RAD51B: variants seen among roughly 807,000 people sequenced by gnomAD.
RAD51B encodes the protein RAD51 paralog B.
In RAD51B, 38 loss-of-function variants were observed where a neutral mutation model predicts 42.2. That is an observed-to-expected ratio of 0.90 (90% CI 0.70 to 1.18). The LOEUF is 1.18. Among genes scored for constraint, RAD51B ranks in the 50% most tolerant of loss-of-function variants. RAD51B has a pLI of 0.00. For missense variants in RAD51B, 373 were observed against 400.7 expected, an observed-to-expected ratio of 0.93 and a Z score of 0.59; for synonymous variants, 154 against 145.2, an observed-to-expected ratio of 1.06 and a Z score of -0.43.
chr14:68,192,632 AT>A (rs2079289709), intron 7 of RAD51B, among the ~76,000 whole-genome samples: 1 of 152,180 alleles, frequency 6.6e-6, no homozygotes, highest in Non-Finnish European at 1.5e-5. Flanking sequence ...TTGTGACAAT[AT>A]GTCTCTGCTG....
At chr14:68,681,404 G>A (rs536762051) in intron 11 of RAD51B, among the ~76,000 whole-genome samples, 1 of 151,724 alleles carries the variant, frequency 6.6e-6, no homozygotes, top group African/African-American at 2.4e-5. Flanking sequence ...GGAAGGTGAA[G>A]GAGGAACAAG....
chr14:68,665,913 C>T (rs562383002), intron 11 of RAD51B, among the ~76,000 whole-genome samples: 1 of 152,336 alleles, frequency 6.6e-6, no homozygotes, highest in Admixed American at 6.5e-5. Context: ...CTAAGCCAAT[C>T]AGAGCATTAG....
intron 7 of RAD51B, among the ~76,000 whole-genome samples, chr14:68,029,484 A>G (rs1265630473): frequency 6.6e-6 from 1 of 152,226 alleles, no homozygotes; most frequent in African/African-American, 2.4e-5. Flanking sequence ...TCTTTTTGGT[A>G]ATCCATAAGA....
chr14:68,393,620 G>A (rs1259878246), intron 8 of RAD51B, among the ~76,000 whole-genome samples: 2 of 152,206 alleles, frequency 1.3e-5, no homozygotes, highest in Non-Finnish European at 2.9e-5. Flanking sequence ...CTTTATCATG[G>A]TTGATCTTTT....
intron 8 of RAD51B, among the ~76,000 whole-genome samples, chr14:68,312,311 T>A: frequency 6.6e-6 from 1 of 152,228 alleles, no homozygotes; most frequent in East Asian, 1.9e-4. Flanking sequence ...CGGAGCAGAA[T>A]GTATAACGGA....
chr14:67,992,373 G>C (rs1252700446), intron 7 of RAD51B, among the ~76,000 whole-genome samples: 2 of 152,172 alleles, frequency 1.3e-5, no homozygotes, highest in African/African-American at 4.8e-5. Context: ...ATATTTGTCT[G>C]GTCCTTAAAG....
chr14:68,103,434 A>G (rs936859539), intron 7 of RAD51B, among the ~76,000 whole-genome samples: 18 of 152,202 alleles, frequency 1.2e-4, no homozygotes, highest in African/African-American at 3.9e-4. Context: ...ATAAAAAAAC[A>G]TAAAATGAAG....
chr14:68,492,149 G>A (rs921527442), intron 10 of RAD51B, among the ~76,000 whole-genome samples: 1 of 152,082 alleles, frequency 6.6e-6, no homozygotes, highest in Admixed American at 6.5e-5. Context: ...TCACATAATG[G>A]ATGACTCCCT....
At chr14:68,438,311 C>T (rs1178625449) in intron 9 of RAD51B, among the ~76,000 whole-genome samples, 1 of 152,080 alleles carries the variant, frequency 6.6e-6, no homozygotes, top group East Asian at 1.9e-4. Flanking sequence ...GGATCCACAA[C>T]ATTTAAGCAC....
intron 7 of RAD51B, among the ~76,000 whole-genome samples, chr14:67,931,500 C>CTTT (rs539507230): frequency 5.6e-4 from 66 of 117,562 alleles, no homozygotes; most frequent in Middle Eastern, 4.7e-3. Flanking sequence ...TCTGGGATTT[C>CTTT]TTTTTTTTTT....
At chr14:67,861,627 C>G (rs973867471) in intron 4 of RAD51B, among the ~76,000 whole-genome samples, 1 of 148,710 alleles carries the variant, frequency 6.7e-6, no homozygotes, top group Non-Finnish European at 1.5e-5. Context: ...AATGAAAAGA[C>G]AAGAGATGTC....
At chr14:68,364,322 G>A (rs1295838147) in intron 8 of RAD51B, among the ~76,000 whole-genome samples, 2 of 152,164 alleles carry the variant, frequency 1.3e-5, no homozygotes, top group Admixed American at 1.3e-4. Flanking sequence ...GGCACTTTGT[G>A]GGGAGGGCCA....
chr14:68,280,384 T>G (rs1158644338), intron 7 of RAD51B, among the ~76,000 whole-genome samples: 3 of 152,236 alleles, frequency 2.0e-5, no homozygotes, highest in Admixed American at 2.0e-4. Context: ...ATTGAGAACC[T>G]TTTTATGTGA....
rs1419631725 is a variant in RAD51B at position 67,893,496 on chromosome 14, ACACACACACAC to A, written c.756+6293_756+6303del. Among the ~76,000 whole-genome samples the A allele has an allele frequency of 6.3e-4, 59 of 94,254 alleles. 2 individuals are homozygous for A. Among genetic ancestry groups the A allele is most frequent in the African/African-American group, 2.0e-3 (38 of 18,610 alleles). 61.8% of individuals were successfully genotyped at this position (94,254 alleles called of 152,430 possible). Reference sequence around the variant, plus strand: ...CACACACACACACACACACACACACACACACACACACACAAAAAAAAACAATTAGCTGGGTG... The same window carrying A: ...CACACACACACACACACACACACACAACAAAAAAAAACAATTAGCTGGGTG... On this transcript the variant is annotated intron_variant, in intron 7 of 10. Coordinates refer to ENST00000471583, the MANE Select transcript of RAD51B (RefSeq NM_133510.4).
At position 68,674,893 on chromosome 14, in the gene RAD51B, C is replaced by T. The variant is rs950477467; in HGVS notation, c.*11+24037C>T. On this transcript the variant is annotated intron_variant, in intron 11 of 11. Coordinates refer to the RAD51B transcript ENST00000488612. Reference sequence around the variant, plus strand: ...CCTGTGGAAGGGGACGCCACCTGGACGATGGGCCGCTGCTCAGCCTTGGGG... The same window carrying T: ...CCTGTGGAAGGGGACGCCACCTGGATGATGGGCCGCTGCTCAGCCTTGGGG... Among the ~76,000 whole-genome samples the T allele has an allele frequency of 7.2e-5, 11 of 152,202 alleles. No homozygotes were observed. In the East Asian group the frequency reaches 9.6e-4, roughly 13 times the overall value.
Position 67,917,009 on chromosome 14 carries a change from G to A in RAD51B, c.756+29805G>A, listed in dbSNP as rs569364762. 2.6e-5 allele frequency among the ~76,000 whole-genome samples: 4 copies of A among 152,300 alleles called. No homozygotes were observed. In the South Asian group the frequency reaches 8.3e-4, roughly 32 times the overall value. On this transcript the variant is annotated intron_variant, in intron 7 of 10. Coordinates refer to ENST00000471583, the MANE Select transcript of RAD51B (RefSeq NM_133510.4). ...ACAGAAGAAAGGAGGTGCAGAATTA[G>A]GGTAGTAAGGGTTGGCATCGTTGAG...
At chr14:67,981,971 T>C (rs2075101199) in intron 7 of RAD51B, among the ~76,000 whole-genome samples, 2 of 152,180 alleles carry the variant, frequency 1.3e-5, no homozygotes, top group Admixed American at 1.3e-4. Flanking sequence ...GAGTCTCGCA[T>C]TGTCACTCAG....
intron 7 of RAD51B, among the ~76,000 whole-genome samples, chr14:68,100,039 G>T (rs776844148): frequency 1.3e-5 from 2 of 152,152 alleles, no homozygotes; most frequent in African/African-American, 4.8e-5. Flanking sequence ...ATTTCAAAGG[G>T]AGGGGGAAGT....
exon 11 of RAD51B, chr14:68,650,798 A>T: frequency 1.3e-6 from 1 of 760,950 alleles, no homozygotes; most frequent in Non-Finnish European, 2.4e-6. Flanking sequence ...GCACATTTGC[A>T]TATCTGGTTT....
Sources: gnomAD v4.1 joint callset for allele counts (sites outside exome capture counted in the v4.1 genomes callset) on GRCh38, gnomAD v4.1.1 for gene constraint, MANE v1.5 for transcripts, NCBI Gene and HGNC (gene_info 2026-07-23, HGNC 2026-07-21) for gene names.